The following FLT3 variants were observed in gnomAD, a reference collection of about 807,000 sequenced individuals.
FLT3 encodes receptor-type tyrosine-protein kinase FLT3.
Under a neutral mutation model 126.6 loss-of-function variants are expected in FLT3, and 46 were observed. That is an observed-to-expected ratio of 0.36 (90% CI 0.29 to 0.46). The LOEUF (loss-of-function observed/expected upper bound fraction) is 0.46, where lower values mean the gene tolerates loss of function less well. Ranked by LOEUF, FLT3 falls within the 20% of genes least tolerant of loss-of-function variation. FLT3 has a pLI of 1.00. For synonymous variants in FLT3, 404 were observed against 434.4 expected (o/e 0.93, Z 0.87); for missense variants, 1,069 against 1,190.3 (o/e 0.90, Z 1.50).
At chr13:28,072,082 T>C (rs542954414) in intron 1 of FLT3, among the ~76,000 whole-genome samples, 37 of 151,802 alleles carry the variant, frequency 2.4e-4, no homozygotes, top group African/African-American at 8.2e-4. Context: ...AATTGGCAAA[T>C]AAAAATTGCA....
chr13:28,084,947 C>A lies in FLT3; in HGVS notation c.44-14335G>T, dbSNP rs1173460897. 2.1e-5 allele frequency among the ~76,000 whole-genome samples: 3 copies of A among 146,140 alleles called. No homozygotes were observed. In the East Asian group the frequency reaches 6.1e-4, roughly 30 times the overall value. ...CCGAGATCGCACCACTGCACTCCAG[C>A]CTGGGCGACAGAGCGAGCCTTCCTC... On this transcript the variant is annotated intron_variant, in intron 1 of 23. Coordinates refer to ENST00000241453, the MANE Select transcript of FLT3 (RefSeq NM_004119.3).
In FLT3 at chr13:28,091,807, C is replaced by G. The variant is rs944489756; in HGVS notation, c.43+8661G>C. Among the ~76,000 whole-genome samples the G allele has an allele frequency of 1.3e-5, 2 of 152,112 alleles. 1 individual carries two copies. Among genetic ancestry groups the G allele is most frequent in the Non-Finnish European group, 2.9e-5 (2 of 68,022 alleles). ...AATAGGCCAGGCGTGGCCAGGATTA[C>G]GCCTGTAATCCCAGCACTTTGGGAG... On this transcript the variant is annotated intron_variant, in intron 1 of 23. Coordinates refer to ENST00000241453, the MANE Select transcript of FLT3 (RefSeq NM_004119.3).
At chr13:28,023,922 C>T (rs768507221) in intron 18 of FLT3, among the ~76,000 whole-genome samples, 16 of 151,426 alleles carry the variant, frequency 1.1e-4, no homozygotes, top group East Asian at 3.9e-4. Context: ...ACTACAGGCT[C>T]ATGCTAATTT....
intron 15 of FLT3, among the ~76,000 whole-genome samples, chr13:28,029,689 T>C (rs1365587418): frequency 1.3e-5 from 2 of 152,176 alleles, no homozygotes; most frequent in East Asian, 3.8e-4. Flanking sequence ...TCTAGAACAT[T>C]AGATTTGCCA....
intron 23 of FLT3, among the ~76,000 whole-genome samples, chr13:28,006,021 G>A (rs1333931133): frequency 6.6e-6 from 1 of 152,048 alleles, no homozygotes; most frequent in Non-Finnish European, 1.5e-5. Flanking sequence ...CACTTTGGGA[G>A]GCCGGGGCGG....
intron 23 of FLT3, among the ~76,000 whole-genome samples, chr13:28,006,333 T>A (rs560015808): frequency 6.6e-6 from 1 of 152,088 alleles, no homozygotes; most frequent in South Asian, 2.1e-4. Context: ...TGTGTGTGTG[T>A]GTGTGTGTAT....
intron 1 of FLT3, among the ~76,000 whole-genome samples, chr13:28,082,502 A>AT (rs879519671): frequency 2.6e-4 from 38 of 146,500 alleles, no homozygotes; most frequent in Admixed American, 5.5e-4. Context: ...TCCAGGAGGA[A>AT]TTTTTTTTTT....
chr13:28,022,849 C>T (rs552066070), intron 19 of FLT3, among the ~76,000 whole-genome samples: 1 of 152,284 alleles, frequency 6.6e-6, no homozygotes, highest in South Asian at 2.1e-4. Context: ...CAGGGCCTTA[C>T]CAACGAATGG....
At chr13:28,071,278 G>A (rs974318636) in intron 1 of FLT3, among the ~76,000 whole-genome samples, 8 of 151,744 alleles carry the variant, frequency 5.3e-5, no homozygotes, top group African/African-American at 1.9e-4. Flanking sequence ...CCAAAGTGCT[G>A]GGATTACAGG....
chr13:28,063,006 G>A (rs1281267527), intron 2 of FLT3, among the ~76,000 whole-genome samples: 12 of 152,086 alleles, frequency 7.9e-5, no homozygotes, highest in African/African-American at 1.9e-4. Flanking sequence ...TAATCAGACC[G>A]TAATTATAAA....
intron 13 of FLT3, 34 bp downstream of exon 13, chr13:28,034,267 G>A (rs909062981): frequency 1.2e-6 from 2 of 1,613,366 alleles, no homozygotes; most frequent in East Asian, 2.2e-5. Flanking sequence ...TGCAGATAGA[G>A]GAAAGAATAA....
chr13:28,021,128 G>A (rs1872348825), intron 19 of FLT3, among the ~76,000 whole-genome samples: 1 of 152,098 alleles, frequency 6.6e-6, no homozygotes, highest in East Asian at 1.9e-4. Flanking sequence ...AGTGGCTCAC[G>A]CCTGTAATCC....
At chr13:28,020,205 G>A (rs895853211) in intron 19 of FLT3, among the ~76,000 whole-genome samples, 10 of 151,942 alleles carry the variant, frequency 6.6e-5, no homozygotes, top group African/African-American at 1.9e-4. Context: ...CATGAAGCAC[G>A]CACTCCCTCA....
At chr13:28,096,739 T>C (rs1200737181) in intron 1 of FLT3, among the ~76,000 whole-genome samples, 2 of 152,150 alleles carry the variant, frequency 1.3e-5, no homozygotes, top group Admixed American at 1.3e-4. Context: ...GCCAGACTCA[T>C]GCAATTTTTA....
Position 28,015,219 on chromosome 13 carries a change from G to A in FLT3, c.2691C>T (p.Asn897=), listed in dbSNP as rs751366614. The A allele has an allele frequency of 4.3e-6, 7 of 1,612,704 alleles. No homozygotes were observed. The highest frequency in any genetic ancestry group is 5.9e-6 in the Non-Finnish European group (7 of 1,178,812). ...ATCCATTTTGAATCAGTTTGTAGAA[G>A]TTAGCATCAACCGGAATGCCAGGGT... ...NPYPGIPVDA[N]FYKLIQNGFK... is the part of the protein sequence containing the mutation. The change falls in exon 22 of 24, where the codon AAC becomes AAT. Residue 897 remains asparagine (N), a synonymous_variant. Coordinates refer to ENST00000241453, the MANE Select transcript of FLT3 (RefSeq NM_004119.3).
intron 1 of FLT3, among the ~76,000 whole-genome samples, chr13:28,093,264 G>T (rs1463282478): frequency 4.0e-5 from 6 of 148,946 alleles, no homozygotes; most frequent in African/African-American, 1.5e-4. Flanking sequence ...ATCTTGCTAT[G>T]TTGGCCAGGC....
At chr13:28,035,827 G>A in intron 11 of FLT3, 108 bp downstream of exon 11, 1 of 1,221,880 alleles carries the variant, frequency 8.2e-7, no homozygotes, top group Non-Finnish European at 1.2e-6. Flanking sequence ...GAGAAGGTTA[G>A]CATTTTAAAT....
intron 12 of FLT3, 125 bp from the exon 13 acceptor site, chr13:28,034,532 A>C: frequency 1.4e-6 from 1 of 691,068 alleles, no homozygotes; most frequent in Admixed American, 2.3e-5. Flanking sequence ...CCTAACAACC[A>C]CTCTACATAT....
At chr13:28,082,984 G>T (rs537650550) in intron 1 of FLT3, among the ~76,000 whole-genome samples, 27 of 151,448 alleles carry the variant, frequency 1.8e-4, no homozygotes, top group African/African-American at 6.5e-4. Context: ...GGGATTACAG[G>T]CATGAGCCAC....
Sources: gnomAD v4.1 joint callset for allele counts (sites outside exome capture counted in the v4.1 genomes callset) on GRCh38, gnomAD v4.1.1 for gene constraint, MANE v1.5 for transcripts, NCBI Gene and HGNC (gene_info 2026-07-23, HGNC 2026-07-21) for gene names.